WDFY3: variants seen among roughly 807,000 people sequenced by gnomAD.
The protein encoded by WDFY3 is WD repeat and FYVE domain-containing protein 3.
Under a neutral mutation model 409.6 loss-of-function variants are expected in WDFY3, and 66 were observed. The observed-to-expected ratio is 0.16, with a 90% CI of 0.13 to 0.20. The LOEUF is 0.20. Ranked by LOEUF, WDFY3 falls within the 10% of genes least tolerant of loss-of-function variation. WDFY3 has a pLI of 1.00. For missense variants in WDFY3, 3,031 were observed against 4,298.1 expected, an observed-to-expected ratio of 0.71 and a Z score of 8.24; for synonymous variants, 1,521 against 1,537.1, an observed-to-expected ratio of 0.99 and a Z score of 0.25.
intron 67 of WDFY3, among the ~76,000 whole-genome samples, chr4:84,674,451 T>G (rs1725919383): frequency 6.6e-6 from 1 of 152,030 alleles, no homozygotes. Context: ...TTGCCTATAG[T>G]CTCAGCTACT....
intron 3 of WDFY3, among the ~76,000 whole-genome samples, chr4:84,863,678 AT>A (rs1459189746): frequency 9.9e-5 from 15 of 152,156 alleles, no homozygotes; most frequent in Non-Finnish European, 2.1e-4. Context: ...GGTTTCAGGT[AT>A]TATATTAAAG....
intron 3 of WDFY3, among the ~76,000 whole-genome samples, chr4:84,870,101 A>G (rs991349250): frequency 6.6e-6 from 1 of 152,242 alleles, no homozygotes; most frequent in Non-Finnish European, 1.5e-5. Flanking sequence ...AAAAAGTTGG[A>G]AACAGTCTAG....
chr4:84,762,890 C>A (rs1253109299), intron 32 of WDFY3, among the ~76,000 whole-genome samples: 1 of 152,040 alleles, frequency 6.6e-6, no homozygotes, highest in Non-Finnish European at 1.5e-5. Flanking sequence ...GATGGGAGGA[C>A]TGCTTGAGCC....
At chr4:84,681,388 T>G (rs1263515707) in intron 64 of WDFY3, among the ~76,000 whole-genome samples, 1 of 152,176 alleles carries the variant, frequency 6.6e-6, no homozygotes, top group Non-Finnish European at 1.5e-5. Context: ...AAACACTTAT[T>G]GAATTAAACT....
chr4:84,791,719 C>A lies in WDFY3; in HGVS notation c.3488-1812G>T, dbSNP rs1237471066. 4.6e-5 allele frequency among the ~76,000 whole-genome samples: 7 copies of A among 152,236 alleles called. 1 individual carries two copies. The highest frequency in any genetic ancestry group is 4.6e-4 in the Admixed American group (7 of 15,288). On this transcript the variant is annotated intron_variant, in intron 21 of 67. Coordinates refer to ENST00000295888, the MANE Select transcript of WDFY3 (RefSeq NM_014991.6). ...AAGGCAGTAAGAAGGAGATGATTTACAGCACAGACTAGTGATTTGTTGATC... is the reference window on the plus strand; with the variant it reads ...AAGGCAGTAAGAAGGAGATGATTTAAAGCACAGACTAGTGATTTGTTGATC...
At chr4:84,867,738 T>C (rs1001939206) in intron 3 of WDFY3, among the ~76,000 whole-genome samples, 5 of 152,214 alleles carry the variant, frequency 3.3e-5, no homozygotes, top group African/African-American at 1.2e-4. Flanking sequence ...TGCGTTTGAG[T>C]AGCTCTGCTG....
At chr4:84,937,833 G>A (rs1407845301) in intron 1 of WDFY3, among the ~76,000 whole-genome samples, 1 of 151,944 alleles carries the variant, frequency 6.6e-6, no homozygotes, top group Non-Finnish European at 1.5e-5. Flanking sequence ...CTTTATACTT[G>A]CTATTCTCTC....
intron 36 of WDFY3, among the ~76,000 whole-genome samples, chr4:84,747,089 C>A (rs1739584070): frequency 6.6e-6 from 1 of 152,212 alleles, no homozygotes; most frequent in Non-Finnish European, 1.5e-5. Flanking sequence ...GCAGGACAGG[C>A]ACGGTGATCT....
At chr4:84,864,189 A>G (rs1761053203) in intron 3 of WDFY3, among the ~76,000 whole-genome samples, 1 of 152,016 alleles carries the variant, frequency 6.6e-6, no homozygotes, top group Non-Finnish European at 1.5e-5. Flanking sequence ...TAACATGGTG[A>G]AATCCTGTCT....
In WDFY3 at chr4:84,743,033, G is replaced by A. The variant is rs143717708; in HGVS notation, c.6073+667C>T. On this transcript the variant is annotated intron_variant, in intron 37 of 67. Transcript: ENST00000295888. ...ACTTGAGAGTGCACAGTTGCATGTT[G>A]AGACAATACTAAAGATTTCCTGGCA... is the stretch of plus-strand genomic sequence containing the variant. 6.3e-3 allele frequency among the ~76,000 whole-genome samples: 966 copies of A among 152,264 alleles called. 8 individuals are homozygous for A. The highest frequency in any genetic ancestry group is 0.022 in the African/African-American group (909 of 41,558).
intron 63 of WDFY3, chr4:84,682,730 CCAGCACTTTGGGA>C (rs1264680022): frequency 3.2e-5 from 12 of 369,898 alleles, no homozygotes; most frequent in Non-Finnish European, 6.0e-5. Flanking sequence ...GCCTATAATC[CCAGCACTTTGGGA>C]AGCCAAGATG....
chr4:84,738,806 G>C (rs1486811431), intron 40 of WDFY3, among the ~76,000 whole-genome samples: 1 of 152,160 alleles, frequency 6.6e-6, no homozygotes, highest in Non-Finnish European at 1.5e-5. Flanking sequence ...ATCTCACAGT[G>C]TTACTAAGAA....
intron 42 of WDFY3, among the ~76,000 whole-genome samples, 164 bp downstream of exon 42, chr4:84,736,006 T>G (rs765565214): frequency 3.9e-5 from 6 of 152,142 alleles, no homozygotes; most frequent in Non-Finnish European, 8.8e-5. Context: ...CATATATAGT[T>G]TTATCATAAG....
intron 44 of WDFY3, among the ~76,000 whole-genome samples, chr4:84,727,249 C>CA (rs1218851463): frequency 1.3e-5 from 2 of 150,982 alleles, no homozygotes; most frequent in African/African-American, 2.4e-5. Context: ...AAAAAAAAAA[C>CA]AAAAAACAAA....
chr4:84,698,906 T>C (rs1730596621), intron 56 of WDFY3, among the ~76,000 whole-genome samples: 1 of 152,196 alleles, frequency 6.6e-6, no homozygotes, highest in African/African-American at 2.4e-5. Context: ...CAGGCTGGTC[T>C]CGAATTCTTG....
chr4:84,798,709 C>T (rs1749946197), intron 17 of WDFY3, among the ~76,000 whole-genome samples: 1 of 152,150 alleles, frequency 6.6e-6, no homozygotes, highest in Non-Finnish European at 1.5e-5. Context: ...TCTTTTCTCT[C>T]ATTCTTGCTG....
intron 63 of WDFY3, 107 bp downstream of exon 63, chr4:84,683,836 C>G: frequency 8.1e-7 from 1 of 1,239,672 alleles, no homozygotes; most frequent in Non-Finnish European, 1.1e-6. Flanking sequence ...CGAGAGTTCA[C>G]TAAACATTAC....
At chr4:84,704,001 C>T (rs551976997) in intron 55 of WDFY3, among the ~76,000 whole-genome samples, 5 of 151,990 alleles carry the variant, frequency 3.3e-5, no homozygotes, top group African/African-American at 7.3e-5. Flanking sequence ...TGAGAATGTA[C>T]AGAAAAGCAA....
chr4:84,714,113 T>TA lies in WDFY3; in HGVS notation c.7962-875dup, dbSNP rs34480107. On this transcript the variant is annotated intron_variant, in intron 50 of 67. Coordinates refer to ENST00000295888, the MANE Select transcript of WDFY3 (RefSeq NM_014991.6). The stretch of plus-strand genomic sequence containing the variant: ...CCTGGTGACAGAGCAAGACTTTGTC[T>TA]AAAAAAAAAAAAAATCATTATTATT... Among the ~76,000 whole-genome samples, 68 of 144,658 alleles carry TA rather than the reference T, an allele frequency of 4.7e-4. 1 individual carries two copies. The highest frequency in any genetic ancestry group is 8.7e-4 in the South Asian group (4 of 4,578). The allele number at this position is 144,658 out of a possible 152,430, so 94.9% of individuals were successfully genotyped here.
Sources: gnomAD v4.1 joint callset for allele counts (sites outside exome capture counted in the v4.1 genomes callset) on GRCh38, gnomAD v4.1.1 for gene constraint, MANE v1.5 for transcripts, NCBI Gene and HGNC (gene_info 2026-07-23, HGNC 2026-07-21) for gene names.